The following PLEKHG7 variants were observed in gnomAD, a reference collection of about 807,000 sequenced individuals.
PLEKHG7 encodes the protein pleckstrin homology domain-containing family G member 7.
Under a neutral mutation model 85.2 loss-of-function variants are expected in PLEKHG7, and 77 were observed. The ratio of observed to expected loss-of-function variants is 0.90; its 90% CI spans 0.75 to 1.09. The LOEUF (loss-of-function observed/expected upper bound fraction) is 1.09. Among genes scored for constraint, PLEKHG7 ranks in the 50% least tolerant of loss-of-function variants. PLEKHG7 has a pLI of 0.00. For synonymous variants in PLEKHG7, 301 were observed against 302.4 expected (o/e 1.00, Z 0.05); for missense variants, 777 against 804.3 (o/e 0.97, Z 0.41).
At position 92,753,742 on chromosome 12, in the gene PLEKHG7, C is replaced by T. The variant is rs141235019; in HGVS notation, c.1252-348C>T. On this transcript the variant is annotated intron_variant, in intron 10 of 16. Coordinates refer to ENST00000344636, the MANE Select transcript of PLEKHG7 (RefSeq NM_001377329.1). Reference sequence around the variant, plus strand: ...CCCTTCTGCCTCTCCAGTCTCAATTCTCAATTGTCCTAACTGCATCACAAC... The same window carrying T: ...CCCTTCTGCCTCTCCAGTCTCAATTTTCAATTGTCCTAACTGCATCACAAC... Among the ~76,000 whole-genome samples the T allele has an allele frequency of 3.8e-3, 576 of 152,312 alleles. 3 individuals are homozygous for T. Among genetic ancestry groups the T allele is most frequent in the Non-Finnish European group, 6.3e-3 (432 of 68,034 alleles).
intron 3 of PLEKHG7, among the ~76,000 whole-genome samples, chr12:92,721,025 C>T (rs774130335): frequency 1.3e-5 from 2 of 152,214 alleles, no homozygotes; most frequent in African/African-American, 2.4e-5. Context: ...ATGCATCCCT[C>T]TAAGCCTCAG....
chr12:92,707,827 C>A (rs968324937), intron 3 of PLEKHG7, 155 bp downstream of exon 3: 21 of 1,295,774 alleles, frequency 1.6e-5, no homozygotes, highest in East Asian at 7.5e-5. Flanking sequence ...TATAGGTGCA[C>A]GAGTTTTCAT....
chr12:92,747,430 G>C (rs1441408465), intron 10 of PLEKHG7, among the ~76,000 whole-genome samples: 2 of 152,168 alleles, frequency 1.3e-5, no homozygotes. Context: ...CAAGGATATA[G>C]AGAAAAGGGA....
intron 3 of PLEKHG7, among the ~76,000 whole-genome samples, chr12:92,717,329 A>G (rs1338782556): frequency 6.6e-6 from 1 of 152,240 alleles, no homozygotes; most frequent in East Asian, 1.9e-4. Flanking sequence ...AAATGCCAGT[A>G]AAACTTCCCC....
At chr12:92,755,286 C>A (rs1872796137) in intron 11 of PLEKHG7, among the ~76,000 whole-genome samples, 1 of 152,154 alleles carries the variant, frequency 6.6e-6, no homozygotes, top group Non-Finnish European at 1.5e-5. Context: ...TTCTTCAGGT[C>A]TCTTACTTGC....
At chr12:92,764,668 A>G (rs779264936) in intron 15 of PLEKHG7, among the ~76,000 whole-genome samples, 1 of 152,118 alleles carries the variant, frequency 6.6e-6, no homozygotes, top group Non-Finnish European at 1.5e-5. Flanking sequence ...ATATATATAC[A>G]CACATATATA....
At chr12:92,735,816 T>C (rs149084774) in intron 5 of PLEKHG7, among the ~76,000 whole-genome samples, 187 of 152,274 alleles carry the variant, frequency 1.2e-3, no homozygotes, top group African/African-American at 4.3e-3. Context: ...TTCCAATGGG[T>C]ATATAGGGGT....
At chr12:92,716,100 T>C (rs1189547529) in intron 3 of PLEKHG7, among the ~76,000 whole-genome samples, 5 of 150,030 alleles carry the variant, frequency 3.3e-5, no homozygotes, top group Non-Finnish European at 7.4e-5. Context: ...TGTTTTGTTT[T>C]GTTTTGTTTT....
Position 92,732,273 on chromosome 12 carries a change from G to C in PLEKHG7, c.699G>C (p.Val233=). 1 of 1,231,214 alleles carries C rather than the reference G, an allele frequency of 8.1e-7. No homozygotes were observed. The highest frequency in any genetic ancestry group is 1.0e-6 in the Non-Finnish European group (1 of 987,210). The allele number at this position is 1,231,214 out of a possible 1,614,324, so 76.3% of individuals were successfully genotyped here. Residue 233 remains valine, a splice_region_variant and synonymous_variant, in exon 5 of 17, where the codon GTG becomes GTC. Transcript: ENST00000344636. ...KPRWPFSKRG[V]GKDKHKHISD... is the part of the protein sequence containing the mutation. ...GATGGCCTTTCTCCAAAAGAGGAGT[G>C]GTAAGTGTTGCAAATTGCCATTTTT...
chr12:92,758,448 T>C (rs1872896228), intron 13 of PLEKHG7, among the ~76,000 whole-genome samples: 1 of 152,188 alleles, frequency 6.6e-6, no homozygotes, highest in African/African-American at 2.4e-5. Context: ...AAGGAGTCAA[T>C]TTTAGGGTTC....
At chr12:92,737,995 G>A (rs1261650217) in intron 7 of PLEKHG7, among the ~76,000 whole-genome samples, 1 of 152,144 alleles carries the variant, frequency 6.6e-6, no homozygotes, top group Admixed American at 6.6e-5. Context: ...CTGAGCCAGG[G>A]AGCTTACACC....
intron 4 of PLEKHG7, among the ~76,000 whole-genome samples, chr12:92,730,949 C>T (rs1283616824): frequency 1.3e-5 from 2 of 152,312 alleles, no homozygotes; most frequent in East Asian, 1.9e-4. Flanking sequence ...TCCCAAGTCA[C>T]GGTCTAAAGC....
rs764312927 is a variant in PLEKHG7, at chr12:92,772,356, TTTAA to T, written c.*2165_*2168del. The T allele has an allele frequency of 4.6e-5, 7 of 151,860 alleles. No homozygotes were observed. The highest frequency in any genetic ancestry group is 8.8e-5 in the Non-Finnish European group (6 of 67,812). 9.4% of individuals were successfully genotyped at this position (151,860 alleles called of 1,614,324 possible). On this transcript the variant is annotated 3_prime_UTR_variant, in exon 17 of 17. Coordinates refer to ENST00000344636, the MANE Select transcript of PLEKHG7 (RefSeq NM_001377329.1). ...TAATAATTTCTCTTGAGATCAGGAA[TTTAA>T]TTACTATTCGAAATTGAACAACATT... is the stretch of plus-strand genomic sequence containing the variant.
chr12:92,770,279 T>C lies in PLEKHG7; in HGVS notation c.*84T>C. The C allele has an allele frequency of 6.8e-6, 7 of 1,033,542 alleles. No homozygotes were observed. The highest frequency in any genetic ancestry group is 1.0e-5 in the Non-Finnish European group (7 of 695,048). 64.0% of individuals were successfully genotyped at this position (1,033,542 alleles called of 1,614,324 possible). ...TCAAAGTTTTGTAACACTTAGCTAGTGATAAGCTAGAAGGAAATTTGCATT... is the reference window on the plus strand; with the variant it reads ...TCAAAGTTTTGTAACACTTAGCTAGCGATAAGCTAGAAGGAAATTTGCATT... On this transcript the variant is annotated 3_prime_UTR_variant, in exon 17 of 17. Transcript: ENST00000344636.
chr12:92,740,761 C>T (rs1872330327), intron 7 of PLEKHG7, 92 bp from the exon 8 acceptor site: 6 of 773,892 alleles, frequency 7.8e-6, no homozygotes, highest in African/African-American at 3.5e-5. Flanking sequence ...TGTAAAGTTA[C>T]ACCCAGGAGG....
At chr12:92,747,180 T>C (rs765343056) in intron 10 of PLEKHG7, among the ~76,000 whole-genome samples, 1 of 149,704 alleles carries the variant, frequency 6.7e-6, no homozygotes, top group Non-Finnish European at 1.5e-5. Flanking sequence ...ATCAAAAAAA[T>C]AAATCCCATT....
intron 7 of PLEKHG7, among the ~76,000 whole-genome samples, chr12:92,738,711 G>A (rs963440595): frequency 6.6e-6 from 1 of 152,172 alleles, no homozygotes; most frequent in Non-Finnish European, 1.5e-5. Context: ...AGCTGTAAAA[G>A]AGAAATGACA....
At chr12:92,767,186 G>A (rs1420033719) in intron 15 of PLEKHG7, among the ~76,000 whole-genome samples, 1 of 152,196 alleles carries the variant, frequency 6.6e-6, no homozygotes, top group South Asian at 2.1e-4. Flanking sequence ...CATAGAAAAT[G>A]CTTTTAAAAT....
At chr12:92,737,315 T>G in intron 6 of PLEKHG7, 63 bp from the exon 7 acceptor site, 1 of 1,282,302 alleles carries the variant, frequency 7.8e-7, no homozygotes. Flanking sequence ...CCAAAGCAAA[T>G]AGCCAACAGG....
Sources: allele counts gnomAD v4.1 joint callset (sites outside exome capture counted in the v4.1 genomes callset), GRCh38; gene constraint gnomAD v4.1.1; transcripts MANE v1.5; gene names NCBI Gene and HGNC (gene_info 2026-07-23, HGNC 2026-07-21).